Variants in ERC1 observed in about 807,000 individuals in gnomAD.
The protein encoded by ERC1 is ELKS/RAB6-interacting/CAST family member 1.
Under a neutral mutation model 132.0 loss-of-function variants are expected in ERC1, and 56 were observed. That is an observed-to-expected ratio of 0.42 (90% confidence interval 0.34 to 0.53). The LOEUF is 0.53. Ranked by LOEUF, ERC1 falls within the 20% of genes least tolerant of loss-of-function variation. The pLI, the probability that ERC1 is intolerant of heterozygous loss-of-function variation, is 0.03. For synonymous variants in ERC1, 478 were observed against 476.1 expected, an observed-to-expected ratio of 1.00 and a Z score of -0.05; for missense variants, 1,202 against 1,349.9, an observed-to-expected ratio of 0.89 and a Z score of 1.72.
chr12:1,308,780 A>T (rs978418596), intron 15 of ERC1, among the ~76,000 whole-genome samples: 9 of 152,178 alleles, frequency 5.9e-5, no homozygotes, highest in Non-Finnish European at 7.3e-5. Context: ...GTTCCACGCT[A>T]ATTTCTGTGC....
chr12:1,289,098 C>T (rs1376161772), intron 14 of ERC1, among the ~76,000 whole-genome samples: 30 of 135,060 alleles, frequency 2.2e-4, no homozygotes, highest in African/African-American at 9.6e-4. Context: ...CACACACACA[C>T]ACACACACAC....
intron 15 of ERC1, among the ~76,000 whole-genome samples, chr12:1,344,478 C>A (rs186650946): frequency 2.0e-3 from 306 of 152,258 alleles, no homozygotes; most frequent in African/African-American, 6.8e-3. Flanking sequence ...GCTGTGAAAC[C>A]CTGAAACCCT....
chr12:1,333,361 T>A (rs1326209332), intron 15 of ERC1, among the ~76,000 whole-genome samples: 2 of 136,498 alleles, frequency 1.5e-5, no homozygotes, highest in Non-Finnish European at 3.1e-5. Context: ...TGAGATGGAG[T>A]CTCACTCTGT....
intron 15 of ERC1, among the ~76,000 whole-genome samples, chr12:1,341,084 T>C (rs1474287144): frequency 2.3e-4 from 6 of 26,280 alleles, no homozygotes; most frequent in South Asian, 1.7e-3. Flanking sequence ...TTTTTTTTTT[T>C]TTTTTTTTTT....
At chr12:1,328,029 A>G (rs1027853650) in intron 15 of ERC1, among the ~76,000 whole-genome samples, 7 of 152,060 alleles carry the variant, frequency 4.6e-5, no homozygotes, top group African/African-American at 1.2e-4. Context: ...GAATTATTCT[A>G]TTTTATCACT....
At chr12:1,045,130 T>C (rs968624646) in intron 2 of ERC1, among the ~76,000 whole-genome samples, 1 of 152,152 alleles carries the variant, frequency 6.6e-6, no homozygotes, top group Non-Finnish European at 1.5e-5. Flanking sequence ...TAAATTTTCT[T>C]ATTCTGCTTA....
At chr12:1,092,666 A>C (rs903606782) in intron 3 of ERC1, among the ~76,000 whole-genome samples, 8 of 152,220 alleles carry the variant, frequency 5.3e-5, no homozygotes, top group African/African-American at 1.9e-4. Context: ...ATCAGTATTA[A>C]GTAAAAATTC....
At chr12:1,108,884 G>A (rs1392148673) in intron 4 of ERC1, among the ~76,000 whole-genome samples, 1 of 152,152 alleles carries the variant, frequency 6.6e-6, no homozygotes, top group Non-Finnish European at 1.5e-5. Context: ...GCTAGGTGTA[G>A]TTTTCTCGAT....
intron 3 of ERC1, among the ~76,000 whole-genome samples, chr12:1,092,913 A>G (rs1390297644): frequency 2.6e-5 from 4 of 152,294 alleles, no homozygotes; most frequent in Non-Finnish European, 5.9e-5. Flanking sequence ...GTGAGCCAGG[A>G]TTGCACCACT....
At chr12:1,104,243 T>G (rs918170792) in intron 3 of ERC1, among the ~76,000 whole-genome samples, 8 of 152,078 alleles carry the variant, frequency 5.3e-5, no homozygotes, top group African/African-American at 9.7e-5. Flanking sequence ...GAGAGCGAGC[T>G]TCATCGTAGG....
At chr12:1,456,433 A>G (rs1454078321) in intron 18 of ERC1, among the ~76,000 whole-genome samples, 1 of 152,052 alleles carries the variant, frequency 6.6e-6, no homozygotes. Context: ...TGAAATAATG[A>G]ATTCAGGGCC....
At chr12:1,244,015 A>G (rs1409682531) in intron 13 of ERC1, among the ~76,000 whole-genome samples, 1 of 152,204 alleles carries the variant, frequency 6.6e-6, no homozygotes, top group African/African-American at 2.4e-5. Context: ...TCGCCTAGGT[A>G]CATAGTTTTC....
intron 13 of ERC1, among the ~76,000 whole-genome samples, chr12:1,255,119 C>T (rs1385375430): frequency 6.6e-6 from 1 of 151,854 alleles, no homozygotes; most frequent in Non-Finnish European, 1.5e-5. Flanking sequence ...CAACAGGCCC[C>T]AGTGTGTGAT....
At chr12:1,317,611 A>C (rs2081853880) in intron 15 of ERC1, among the ~76,000 whole-genome samples, 1 of 152,194 alleles carries the variant, frequency 6.6e-6, no homozygotes, top group African/African-American at 2.4e-5. Context: ...CAGTTACTGA[A>C]TATTGGGAGA....
intron 17 of ERC1, among the ~76,000 whole-genome samples, chr12:1,424,320 A>G (rs996323903): frequency 4.6e-5 from 7 of 152,214 alleles, no homozygotes; most frequent in Admixed American, 1.3e-4. Flanking sequence ...GAATTAGAGC[A>G]GGTCAGGAAG....
intron 15 of ERC1, among the ~76,000 whole-genome samples, chr12:1,325,329 A>G (rs750249303): frequency 3.3e-5 from 5 of 152,150 alleles, no homozygotes; most frequent in Non-Finnish European, 5.9e-5. Flanking sequence ...CCCATAGTGC[A>G]CTATTTTTAA....
At chr12:1,442,754 T>C (rs2093192343) in intron 17 of ERC1, among the ~76,000 whole-genome samples, 1 of 152,232 alleles carries the variant, frequency 6.6e-6, no homozygotes, top group African/African-American at 2.4e-5. Flanking sequence ...TTCGGTCATA[T>C]ATAATGTAGT....
In ERC1 at chr12:1,267,836, T is replaced by A. The variant is rs1280622334; in HGVS notation, c.2619+4671T>A. Among the ~76,000 whole-genome samples, 6 of 152,220 alleles carry A rather than the reference T, an allele frequency of 3.9e-5. 1 individual carries two copies. Among genetic ancestry groups the A allele is most frequent in the African/African-American group, 9.6e-5 (4 of 41,458 alleles). ...CTTTTAAAAGCCCCATTTTTAACAG[T>A]GATATTCAGTGATAAACAGTAATAT... is the stretch of plus-strand genomic sequence containing the variant. On this transcript the variant is annotated intron_variant, in intron 14 of 18. Coordinates refer to ENST00000360905, the MANE Select transcript of ERC1 (RefSeq NM_178040.4).
chr12:1,020,805 C>T (rs1040776878), intron 1 of ERC1: 2 of 152,170 alleles, frequency 1.3e-5, no homozygotes, highest in Non-Finnish European at 2.9e-5. Flanking sequence ...TCATTGGAAG[C>T]AAGTCATTAA....
Sources: allele counts gnomAD v4.1 joint callset (sites outside exome capture counted in the v4.1 genomes callset), GRCh38; gene constraint gnomAD v4.1.1; transcripts MANE v1.5; gene names NCBI Gene and HGNC (gene_info 2026-07-23, HGNC 2026-07-21).